Variants in GLIS3 observed in about 807,000 individuals in gnomAD.
The protein encoded by GLIS3 is zinc finger protein GLIS3.
A neutral mutation model predicts 78.6 loss-of-function variants in GLIS3; 53 were observed. That is an observed-to-expected ratio of 0.67 (90% confidence interval 0.54 to 0.85). The LOEUF is 0.85. Ranked by LOEUF, GLIS3 falls within the 40% of genes least tolerant of loss-of-function variation. The pLI is 0.00. For missense variants in GLIS3, 1,703 were observed against 1,231.1 expected (o/e 1.38, Z -5.74); for synonymous variants, 684 against 509.9 (o/e 1.34, Z -4.60).
chr9:3,941,023 A>C (rs779117004), intron 4 of GLIS3, among the ~76,000 whole-genome samples: 1 of 152,168 alleles, frequency 6.6e-6, no homozygotes. Context: ...CTGACCCCAG[A>C]ATCAGAATGC....
intron 4 of GLIS3, among the ~76,000 whole-genome samples, chr9:4,025,637 C>A (rs1823270988): frequency 6.6e-6 from 1 of 152,192 alleles, no homozygotes; most frequent in South Asian, 2.1e-4. Context: ...CCGCCCGTCT[C>A]AGCCTCCCAA....
Position 4,150,145 on chromosome 9 carries a change from G to A in GLIS3, c.389-24204C>T, listed in dbSNP as rs946257825. ...CCCCAGAGAAGCAACCTCCCATACAGACCCAAAGCTTTTATAGGGCCCCTT... is the reference window on the plus strand; with the variant it reads ...CCCCAGAGAAGCAACCTCCCATACAAACCCAAAGCTTTTATAGGGCCCCTT... On this transcript the variant is annotated intron_variant, in intron 2 of 10. Transcript: ENST00000381971. 4.6e-5 allele frequency among the ~76,000 whole-genome samples: 7 copies of A among 152,104 alleles called. No homozygotes were observed. In the East Asian group the frequency reaches 1.3e-3, roughly 29 times the overall value.
chr9:4,125,982 A>C (rs750314755), intron 2 of GLIS3, 41 bp from the exon 3 acceptor site: 3 of 1,436,896 alleles, frequency 2.1e-6, no homozygotes, highest in Non-Finnish European at 2.9e-6. Context: ...TGTCCCTTAC[A>C]TCAGAAATCA....
intron 8 of GLIS3, among the ~76,000 whole-genome samples, chr9:3,862,166 C>A (rs557781894): frequency 6.6e-6 from 1 of 151,906 alleles, no homozygotes; most frequent in East Asian, 1.9e-4. Context: ...AAATGCCCAA[C>A]GAGGTAAAAT....
intron 4 of GLIS3, among the ~76,000 whole-genome samples, chr9:4,115,059 T>C (rs1272466394): frequency 6.6e-6 from 1 of 152,196 alleles, no homozygotes; most frequent in Non-Finnish European, 1.5e-5. Context: ...AGCCACTTAC[T>C]GTAAGCAAGC....
At chr9:4,373,732 G>T in the GLIS3 span, among the ~76,000 whole-genome samples, 1 of 149,832 alleles carries the variant, frequency 6.7e-6, no homozygotes, top group Non-Finnish European at 1.5e-5. Context: ...GCAATGGCAC[G>T]ATCTCGGCTC....
chr9:3,953,795 C>CTCTCTCTCTCTATATATATATATATA (rs1403671770), intron 4 of GLIS3, among the ~76,000 whole-genome samples: 1 of 73,330 alleles, frequency 1.4e-5, no homozygotes, highest in African/African-American at 5.7e-5. Flanking sequence ...CTCTCTCTCT[C>CTCTCTCTCTCTATATATATATATATA]TATATATATA....
intron 2 of GLIS3, among the ~76,000 whole-genome samples, chr9:4,226,748 G>A (rs1451874424): frequency 2.0e-5 from 3 of 152,150 alleles, no homozygotes; most frequent in African/African-American, 7.2e-5. Context: ...TTCCTCTACT[G>A]AAAAATGAGT....
intron 4 of GLIS3, among the ~76,000 whole-genome samples, chr9:4,082,664 T>A (rs1828656269): frequency 6.6e-6 from 1 of 152,170 alleles, no homozygotes; most frequent in Non-Finnish European, 1.5e-5. Context: ...TTGATCAGTG[T>A]CCCGGGAGGC....
chr9:4,127,665 G>C (rs1022158601), intron 2 of GLIS3, among the ~76,000 whole-genome samples: 1 of 151,718 alleles, frequency 6.6e-6, no homozygotes, highest in Admixed American at 6.6e-5. Flanking sequence ...ATGGTTCATA[G>C]CCTAGTCCAG....
intron 4 of GLIS3, among the ~76,000 whole-genome samples, chr9:4,110,153 G>A (rs555765623): frequency 7.2e-5 from 11 of 152,178 alleles, no homozygotes; most frequent in Non-Finnish European, 1.2e-4. Flanking sequence ...CACACAATGA[G>A]TGAACACATC....
chr9:4,059,860 G>GAA (rs1588569086), intron 4 of GLIS3, among the ~76,000 whole-genome samples: 1 of 150,598 alleles, frequency 6.6e-6, no homozygotes, highest in South Asian at 2.1e-4. Context: ...GAGAGAGAGA[G>GAA]AGAGAGAAAG....
At chr9:3,862,334 T>C (rs1023155556) in intron 8 of GLIS3, among the ~76,000 whole-genome samples, 3 of 152,206 alleles carry the variant, frequency 2.0e-5, no homozygotes, top group African/African-American at 7.2e-5. Flanking sequence ...AGCAACATAC[T>C]ACCTTTAAGA....
At chr9:4,248,374 T>A (rs988682078) in intron 2 of GLIS3, among the ~76,000 whole-genome samples, 1 of 152,180 alleles carries the variant, frequency 6.6e-6, no homozygotes, top group Non-Finnish European at 1.5e-5. Context: ...TTGCTGAGAA[T>A]GATCGTTTCC....
chr9:3,870,165 A>G (rs1408924789), intron 8 of GLIS3, among the ~76,000 whole-genome samples: 1 of 152,206 alleles, frequency 6.6e-6, no homozygotes, highest in African/African-American at 2.4e-5. Flanking sequence ...GCAACATTAC[A>G]TTCCCAATGA....
At chr9:4,131,097 CCTTT>C (rs1304042577) in intron 2 of GLIS3, among the ~76,000 whole-genome samples, 1 of 152,106 alleles carries the variant, frequency 6.6e-6, no homozygotes, top group Non-Finnish European at 1.5e-5. Flanking sequence ...ACCTATAGCC[CCTTT>C]ATTTTGGCCA....
chr9:4,271,251 A>C (rs1396905649), intron 2 of GLIS3, among the ~76,000 whole-genome samples: 1 of 152,208 alleles, frequency 6.6e-6, no homozygotes, highest in Admixed American at 6.5e-5. Context: ...GTCAGCACAC[A>C]GTATACAATA....
chr9:4,362,134 T>G, the GLIS3 span, among the ~76,000 whole-genome samples: 5 of 152,386 alleles, frequency 3.3e-5, no homozygotes, highest in African/African-American at 1.2e-4. Context: ...GGGAGGCAGC[T>G]GTCAAGACAA....
chr9:3,895,197 A>T (rs1380092687), intron 7 of GLIS3, among the ~76,000 whole-genome samples: 1 of 152,278 alleles, frequency 6.6e-6, no homozygotes. Context: ...ATATACAAGC[A>T]CTAAGCCTTG....
Sources: allele counts gnomAD v4.1 joint callset (sites outside exome capture counted in the v4.1 genomes callset), GRCh38; gene constraint gnomAD v4.1.1; transcripts MANE v1.5; gene names NCBI Gene and HGNC (gene_info 2026-07-23, HGNC 2026-07-21).